The following SCP2 variants were observed in gnomAD, a reference collection of about 807,000 sequenced individuals.
SCP2 encodes the protein SCP-2/3-oxoacyl-CoA thiolase.
Under a neutral mutation model 71.4 loss-of-function variants are expected in SCP2, and 48 were observed. That is an observed-to-expected ratio of 0.67 (90% CI 0.53 to 0.86). The LOEUF (loss-of-function observed/expected upper bound fraction) is 0.86, where lower values mean the gene tolerates loss of function less well. Among genes scored for constraint, SCP2 ranks in the 40% least tolerant of loss-of-function variants. The pLI is 0.00. For missense variants in SCP2, 560 were observed against 655.6 expected (o/e 0.85, Z 1.59); for synonymous variants, 220 against 218.1 (o/e 1.01, Z -0.08).
At chr1:52,980,934 G>A (rs13376048) in intron 10 of SCP2, among the ~76,000 whole-genome samples, 1 of 151,318 alleles carries the variant, frequency 6.6e-6, no homozygotes, top group African/African-American at 2.4e-5. Context: ...ATTTTTTTTT[G>A]TTTTTTCGTT....
At chr1:52,998,658 G>C (rs1447971574) in intron 11 of SCP2, among the ~76,000 whole-genome samples, 1 of 152,172 alleles carries the variant, frequency 6.6e-6, no homozygotes, top group Non-Finnish European at 1.5e-5. Context: ...ATATCCATAG[G>C]ATAAATTTCA....
chr1:52,980,452 GAC>G lies in SCP2; in HGVS notation c.885_886del (p.Pro296LysfsTer2). 1 of 1,614,030 alleles carries G rather than the reference GAC, an allele frequency of 6.2e-7. No individual in the cohort carries two copies. Among genetic ancestry groups the G allele is most frequent in the Non-Finnish European group, 8.5e-7 (1 of 1,179,906 alleles). On this transcript the variant is annotated frameshift_variant, in exon 10 of 16. Transcript: ENST00000371514. LOFTEE classifies it high-confidence loss of function. Reference sequence around the variant, plus strand: ...GAAAATGCTATGAGAAATCTGGCCTGACACCAAATGATATTGACGTAATAGAA... The same window carrying G: ...GAAAATGCTATGAGAAATCTGGCCTGACCAAATGATATTGACGTAATAGAA... ...ARKCYEKSGL[T>X]PNDIDVIELH...
At chr1:52,943,329 T>A (rs2150113958) in intron 2 of SCP2, among the ~76,000 whole-genome samples, 1 of 151,974 alleles carries the variant, frequency 6.6e-6, no homozygotes, top group South Asian at 2.1e-4. Context: ...TTCACGCTAT[T>A]CTCCTGCCTC....
rs567689402 is a variant in SCP2, at chr1:52,974,890, G to T, written c.587+58G>T. 1.4e-3 allele frequency: 1,162 copies of T among 831,822 alleles called. 3 individuals are homozygous for T. Among genetic ancestry groups the T allele is most frequent in the Non-Finnish European group, 1.1e-3 (519 of 467,540 alleles). 51.5% of individuals were successfully genotyped at this position (831,822 alleles called of 1,614,324 possible). On this transcript the variant is annotated intron_variant, in intron 7 of 15. Coordinates refer to ENST00000371514, the MANE Select transcript of SCP2 (RefSeq NM_002979.5). Reference sequence around the variant, plus strand: ...TCTGGGTTATCCTACTGTATAATATGCAACTTTATACTTGAAAAGCAAATG... The same window carrying T: ...TCTGGGTTATCCTACTGTATAATATTCAACTTTATACTTGAAAAGCAAATG...
intron 6 of SCP2, 75 bp downstream of exon 6, chr1:52,961,704 A>G (rs1056364783): frequency 1.5e-6 from 2 of 1,323,778 alleles, no homozygotes; most frequent in East Asian, 2.3e-5. Flanking sequence ...GTTATTTATT[A>G]AGGAACTGTG....
At chr1:53,037,242 A>C (rs1181508946) in intron 13 of SCP2, among the ~76,000 whole-genome samples, 2 of 152,046 alleles carry the variant, frequency 1.3e-5, no homozygotes, top group Non-Finnish European at 1.5e-5. Flanking sequence ...CTTCTCTAAA[A>C]ATTTTTTTTC....
At chr1:52,975,912 C>G (rs1657922094) in intron 7 of SCP2, among the ~76,000 whole-genome samples, 1 of 152,124 alleles carries the variant, frequency 6.6e-6, no homozygotes, top group Admixed American at 6.5e-5. Context: ...AGTGGGATGC[C>G]CATGCCACCC....
chr1:52,994,945 G>C (rs1659817480), intron 11 of SCP2: 1 of 520,504 alleles, frequency 1.9e-6, no homozygotes, highest in African/African-American at 2.0e-5. Flanking sequence ...TGGGACCATG[G>C]ACTCTGCTAG....
intron 5 of SCP2, among the ~76,000 whole-genome samples, chr1:52,957,358 C>T (rs752684181): frequency 1.1e-4 from 17 of 152,228 alleles, no homozygotes; most frequent in Non-Finnish European, 2.1e-4. Context: ...TACACACACA[C>T]ATGTTAAAAA....
At position 53,014,809 on chromosome 1, in the gene SCP2, T is replaced by A. The variant is rs1661216269; in HGVS notation, c.1082-81T>A. 4 of 1,519,434 alleles carry A rather than the reference T, an allele frequency of 2.6e-6. No individual in the cohort carries two copies. The South Asian group carries it at 3.5e-5, about 13-fold the overall frequency. The allele number at this position is 1,519,434 out of a possible 1,614,324, so 94.1% of individuals were successfully genotyped here. On this transcript the variant is annotated intron_variant, in intron 11 of 15. Transcript: ENST00000371514. ...GTGGCCTCGGCTTAATCAAATGCTTTAATTTAAAGTCACAAACATCCCTTT... is the reference window on the plus strand; with the variant it reads ...GTGGCCTCGGCTTAATCAAATGCTTAAATTTAAAGTCACAAACATCCCTTT...
chr1:52,942,921 C>T (rs994106960), intron 2 of SCP2, among the ~76,000 whole-genome samples: 13 of 151,950 alleles, frequency 8.6e-5, no homozygotes, highest in Admixed American at 5.2e-4. Context: ...AGGCTGGCCT[C>T]GAACTCCTGA....
At chr1:52,960,744 ATATT>A (rs1056012011) in intron 5 of SCP2, among the ~76,000 whole-genome samples, 9 of 138,658 alleles carry the variant, frequency 6.5e-5, no homozygotes, top group Admixed American at 5.7e-4. Context: ...GTGTGTGTGT[ATATT>A]TATTTATTTA....
intron 12 of SCP2, among the ~76,000 whole-genome samples, chr1:53,019,525 T>C (rs1661569965): frequency 6.6e-6 from 1 of 152,210 alleles, no homozygotes; most frequent in Non-Finnish European, 1.5e-5. Flanking sequence ...CGCAAGAAGA[T>C]ATTCCAGGCT....
chr1:52,970,899 G>T (rs556602433), intron 6 of SCP2, among the ~76,000 whole-genome samples: 2 of 148,716 alleles, frequency 1.3e-5, no homozygotes, highest in African/African-American at 2.5e-5. Context: ...TATGCTGAGA[G>T]TATGATTTGT....
chr1:52,963,365 A>G (rs1334314688), intron 6 of SCP2, among the ~76,000 whole-genome samples: 1 of 151,732 alleles, frequency 6.6e-6, no homozygotes, highest in African/African-American at 2.4e-5. Flanking sequence ...TTAACCAGAA[A>G]GAAGTTTTTT....
chr1:52,927,465 G>A lies in SCP2; in HGVS notation c.69G>A (p.Lys23=), dbSNP rs1237405185. 6.3e-7 allele frequency: 1 copy of A among 1,596,716 alleles called. No individual in the cohort carries two copies. Residue 23 remains lysine (K), a splice_region_variant and synonymous_variant, in exon 1 of 16, where the codon AAG becomes AAA. Transcript: ENST00000371514. ...TCGTGGTGGGGGTTGGCATGACCAA[G>A]GTAAACCGAGCAGCGGCCCTGCTGG... The part of the protein sequence containing the change: ...RVFVVGVGMT[K]FVKPGAENSR...
chr1:52,960,644 G>A (rs1656322607), intron 5 of SCP2, among the ~76,000 whole-genome samples: 1 of 145,898 alleles, frequency 6.9e-6, no homozygotes, highest in East Asian at 2.0e-4. Flanking sequence ...GTGTATATAT[G>A]TATGTATATA....
intron 12 of SCP2, among the ~76,000 whole-genome samples, chr1:53,022,457 C>G (rs6675803): frequency 0.14 from 20,885 of 152,106 alleles, 2,047 homozygotes; most frequent in East Asian, 0.32. Context: ...TGATCAGCAT[C>G]TTTTCATGTT....
chr1:53,041,986 GT>G (rs1410984504), intron 14 of SCP2, among the ~76,000 whole-genome samples: 1 of 152,140 alleles, frequency 6.6e-6, no homozygotes, highest in Non-Finnish European at 1.5e-5. Flanking sequence ...GAAGAGCACT[GT>G]TAACGTGCAC....
Sources: allele counts gnomAD v4.1 joint callset (sites outside exome capture counted in the v4.1 genomes callset), GRCh38; gene constraint gnomAD v4.1.1; transcripts MANE v1.5; gene names NCBI Gene and HGNC (gene_info 2026-07-23, HGNC 2026-07-21).